Variants in AGPAT5 observed in about 807,000 individuals in gnomAD.
The protein encoded by AGPAT5 is 1-acylglycerol-3-phosphate O-acyltransferase 5, also known as 1-acyl-sn-glycerol-3-phosphate acyltransferase epsilon.
Under a neutral mutation model 45.6 loss-of-function variants are expected in AGPAT5, and 46 were observed. The ratio of observed to expected loss-of-function variants is 1.01; its 90% CI spans 0.80 to 1.29. AGPAT5 has a LOEUF of 1.29. Ranked by LOEUF, AGPAT5 falls within the 50% of genes most tolerant of loss-of-function variation. AGPAT5 has a pLI of 0.00. For synonymous variants in AGPAT5, 272 were observed against 167.0 expected (o/e 1.63, Z -4.85); for missense variants, 673 against 450.7 (o/e 1.49, Z -4.47).
chr8:6,727,116 C>G (rs550798926), intron 2 of AGPAT5, among the ~76,000 whole-genome samples: 1 of 152,112 alleles, frequency 6.6e-6, no homozygotes, highest in Non-Finnish European at 1.5e-5. Flanking sequence ...ATGTAATTAG[C>G]GGAAAGAATA....
chr8:6,734,762 C>T (rs62497309), intron 4 of AGPAT5, among the ~76,000 whole-genome samples: 64,010 of 151,460 alleles, frequency 0.42, 13,778 homozygotes, highest in Non-Finnish European at 0.46. Flanking sequence ...TCTGCTTGGC[C>T]TTTAGTGTTG....
Position 6,759,934 on chromosome 8 carries a change from C to G in AGPAT5, c.*2546C>G, listed in dbSNP as rs1563313200. ...ATTAAGTGATCTCAGTGAAACATGT[C>G]AAATGCCTTAAATTAACTAAGTTGG... On this transcript the variant is annotated 3_prime_UTR_variant, in exon 8 of 8. Transcript: ENST00000285518. 6.6e-6 allele frequency among the ~76,000 whole-genome samples: 1 copy of G among 152,190 alleles called. No individual in the cohort carries two copies. The highest frequency in any genetic ancestry group is 1.9e-4 in the East Asian group (1 of 5,206).
intron 6 of AGPAT5, among the ~76,000 whole-genome samples, chr8:6,754,528 C>T (rs954710114): frequency 6.6e-6 from 1 of 152,118 alleles, no homozygotes; most frequent in Non-Finnish European, 1.5e-5. Context: ...GATTATCAGG[C>T]GCCTGTGAGT....
chr8:6,724,611 A>G (rs923176268), intron 1 of AGPAT5, among the ~76,000 whole-genome samples: 106 of 152,304 alleles, frequency 7.0e-4, no homozygotes, highest in Admixed American at 2.0e-3. Flanking sequence ...TTAGCAATCA[A>G]TGAATGCTTG....
At chr8:6,732,894 C>T (rs1440007966) in intron 4 of AGPAT5, among the ~76,000 whole-genome samples, 13 of 152,118 alleles carry the variant, frequency 8.5e-5, no homozygotes, top group Admixed American at 8.5e-4. Flanking sequence ...ATAAAAAGAG[C>T]ATTTGGTGTC....
In AGPAT5 at chr8:6,757,465, C is replaced by G; in HGVS notation, c.*77C>G. 8.7e-7 allele frequency: 1 copy of G among 1,150,736 alleles called. No individual in the cohort carries two copies. The highest frequency in any genetic ancestry group is 1.3e-6 in the Non-Finnish European group (1 of 779,796). The allele number at this position is 1,150,736 out of a possible 1,614,324, so 71.3% of individuals were successfully genotyped here. A position where few individuals can be genotyped will look rare whatever the true frequency, so the allele number is the denominator to read the frequency against. ...GGCTGCACATGACATCAAATTGTTT[C>G]CTGAATTTATTAAGGAGTGTAAATA... On this transcript the variant is annotated 3_prime_UTR_variant, in exon 8 of 8. Coordinates refer to ENST00000285518, the MANE Select transcript of AGPAT5 (RefSeq NM_018361.5).
At position 6,760,107 on chromosome 8, in the gene AGPAT5, TA is replaced by T. The variant is rs1321656977; in HGVS notation, c.*2721del. 6.6e-6 allele frequency among the ~76,000 whole-genome samples: 1 copy of T among 152,190 alleles called. No individual in the cohort carries two copies. Among genetic ancestry groups the T allele is most frequent in the Non-Finnish European group, 1.5e-5 (1 of 68,036 alleles). ...TAAGCTTTATTTTTTCCTTTGTTCA[TA>T]ATTATATTCTTTGAATAGGTCTGTG... On this transcript the variant is annotated 3_prime_UTR_variant, in exon 8 of 8. Coordinates refer to ENST00000285518, the MANE Select transcript of AGPAT5 (RefSeq NM_018361.5).
chr8:6,732,427 A>C (rs777830504), intron 3 of AGPAT5, 134 bp from the exon 4 acceptor site: 13 of 558,346 alleles, frequency 2.3e-5, no homozygotes, highest in African/African-American at 9.8e-5. Flanking sequence ...ATGTTTGAAG[A>C]TATTAAATAT....
chr8:6,720,847 G>A (rs1800474279), intron 1 of AGPAT5, among the ~76,000 whole-genome samples: 1 of 152,166 alleles, frequency 6.6e-6, no homozygotes, highest in Non-Finnish European at 1.5e-5. Flanking sequence ...TATGGAAACA[G>A]CCATGTGTCT....
At chr8:6,709,561 A>T (rs1476113436) in intron 1 of AGPAT5, 1 of 55,716 alleles carries the variant, frequency 1.8e-5, no homozygotes, top group Non-Finnish European at 2.9e-5. Flanking sequence ...TTGAAGTGTT[A>T]TAAAAAAAAA....
intron 1 of AGPAT5, among the ~76,000 whole-genome samples, chr8:6,716,340 C>T (rs990272293): frequency 1.3e-5 from 2 of 152,030 alleles, no homozygotes; most frequent in Non-Finnish European, 2.9e-5. Flanking sequence ...GGGTGGATCA[C>T]TTGAGGTCAG....
intron 6 of AGPAT5, among the ~76,000 whole-genome samples, 183 bp downstream of exon 6, chr8:6,748,011 G>A (rs1801533540): frequency 6.6e-6 from 1 of 152,108 alleles, no homozygotes; most frequent in Non-Finnish European, 1.5e-5. Flanking sequence ...GCAAAGTGTG[G>A]TATTTCTTGG....
chr8:6,709,204 A>G (rs1241310084), intron 1 of AGPAT5: 2 of 412,894 alleles, frequency 4.8e-6, no homozygotes, highest in Non-Finnish European at 9.1e-6. Context: ...GCACGCGTTT[A>G]GCAGTTTCTG....
intron 4 of AGPAT5, among the ~76,000 whole-genome samples, chr8:6,735,085 C>A (rs2912073): frequency 0.033 from 5,076 of 152,182 alleles, 95 homozygotes; most frequent in Middle Eastern, 0.065. Context: ...AGGGGTGGAG[C>A]CTTCTCTGAT....
intron 2 of AGPAT5, among the ~76,000 whole-genome samples, chr8:6,725,635 G>T (rs890089027): frequency 1.3e-5 from 2 of 152,118 alleles, no homozygotes; most frequent in Non-Finnish European, 2.9e-5. Context: ...ATTGGGTAAG[G>T]TACTTTTTAA....
chr8:6,726,260 T>C (rs1023152139), intron 2 of AGPAT5, among the ~76,000 whole-genome samples: 2 of 152,260 alleles, frequency 1.3e-5, no homozygotes, highest in African/African-American at 4.8e-5. Flanking sequence ...TTCTTCCAGG[T>C]TTTAAATATC....
chr8:6,714,151 A>G (rs10503369), intron 1 of AGPAT5, among the ~76,000 whole-genome samples: 5,750 of 152,208 alleles, frequency 0.038, 249 homozygotes, highest in East Asian at 0.13. Context: ...CTATAGTCCT[A>G]ACAAGAATAT....
intron 1 of AGPAT5, among the ~76,000 whole-genome samples, chr8:6,716,860 CAGAG>C (rs1057211449): frequency 3.3e-5 from 5 of 152,156 alleles, no homozygotes; most frequent in East Asian, 3.9e-4. Flanking sequence ...CAAAACAAAA[CAGAG>C]AGAAAAGGCA....
At chr8:6,751,838 TC>T in intron 6 of AGPAT5, among the ~76,000 whole-genome samples, 1 of 152,216 alleles carries the variant, frequency 6.6e-6, no homozygotes, top group Non-Finnish European at 1.5e-5. Context: ...ACCAGTATTT[TC>T]ATATTACAAC....
Sources: allele counts gnomAD v4.1 joint callset (sites outside exome capture counted in the v4.1 genomes callset), GRCh38; gene constraint gnomAD v4.1.1; transcripts MANE v1.5; gene names NCBI Gene and HGNC (gene_info 2026-07-23, HGNC 2026-07-21).